The following DMD variants were observed in gnomAD, a reference collection of about 807,000 sequenced individuals.
The protein encoded by DMD is mutant dystrophin.
In DMD, 63 loss-of-function variants were observed where a neutral mutation model predicts 330.1. The ratio of observed to expected loss-of-function variants is 0.19; its 90% CI spans 0.16 to 0.24. DMD has a LOEUF of 0.24. Among genes scored for constraint, DMD ranks in the 10% least tolerant of loss-of-function variants. DMD has a pLI of 1.00. For synonymous variants in DMD, 1,223 were observed against 959.8 expected, an observed-to-expected ratio of 1.27 and a Z score of -5.07; for missense variants, 3,344 against 2,684.1, an observed-to-expected ratio of 1.25 and a Z score of -5.43.
At chrX:32,802,511 T>C (rs942485323) in intron 7 of DMD, among the ~76,000 whole-genome samples, 9 of 111,709 alleles carry the variant, frequency 8.1e-5, no homozygotes, top group Admixed American at 1.9e-4. Flanking sequence ...TCCAATACTA[T>C]GTTGAATAGG....
chrX:32,390,700 TGTAGAGGCAGA>T (rs1237898885), intron 30 of DMD, among the ~76,000 whole-genome samples: 1 of 111,112 alleles, frequency 9.0e-6, no homozygotes, highest in East Asian at 2.8e-4. Flanking sequence ...TATTTTATTT[TGTAGAGGCAGA>T]GTCTTGCTAT....
chrX:31,739,013 T>A (rs1004368251), intron 51 of DMD, among the ~76,000 whole-genome samples: 6 of 111,765 alleles, frequency 5.4e-5, no homozygotes, highest in Non-Finnish European at 1.1e-4. Flanking sequence ...AGACCTACTA[T>A]TTGATAGCAC....
chrX:31,232,957 C>CT (rs932456818), intron 63 of DMD, among the ~76,000 whole-genome samples: 1 of 112,292 alleles, frequency 8.9e-6, no homozygotes, highest in Non-Finnish European at 1.9e-5. Context: ...TAAGCACTTT[C>CT]TTTTTTGCCA....
chrX:31,735,655 G>A (rs1440078802), intron 51 of DMD, among the ~76,000 whole-genome samples: 5 of 112,043 alleles, frequency 4.5e-5, no homozygotes, highest in Non-Finnish European at 9.4e-5. Context: ...AGGAAAATAA[G>A]AGTATTCAGA....
At chrX:31,721,681 T>TCA (rs1182774374) in intron 52 of DMD, among the ~76,000 whole-genome samples, 28 of 45,693 alleles carry the variant, frequency 6.1e-4, no homozygotes, top group Non-Finnish European at 9.1e-4. Flanking sequence ...TCTCTCTCTC[T>TCA]CTCACTCTCT....
chrX:31,206,822 T>C (rs1039669849), intron 65 of DMD, among the ~76,000 whole-genome samples, 155 bp from the exon 66 acceptor site: 1 of 112,126 alleles, frequency 8.9e-6, no homozygotes, highest in African/African-American at 3.2e-5. Flanking sequence ...TAAGATTGTT[T>C]TGAACTTTTC....
chrX:31,840,195 G>A (rs2093288063), intron 48 of DMD, among the ~76,000 whole-genome samples: 1 of 111,242 alleles, frequency 9.0e-6, no homozygotes, highest in Admixed American at 9.7e-5. Context: ...CTTTTGCACT[G>A]AACACCAAAC....
At chrX:33,192,212 A>G (rs2050691405) in intron 1 of DMD, among the ~76,000 whole-genome samples, 1 of 112,092 alleles carries the variant, frequency 8.9e-6, no homozygotes, top group African/African-American at 3.2e-5. Flanking sequence ...GTGTAAAAGA[A>G]GATTCTTGAT....
rs778632674 is a variant in DMD at position 32,699,232 on chromosome X, T to G, written c.711A>C (p.Gln237His). The G allele has an allele frequency of 5.0e-6, 6 of 1,208,185 alleles. No individual in the cohort carries two copies. The highest frequency in any genetic ancestry group is 6.7e-6 in the Non-Finnish European group (6 of 893,653). Residue 237 changes from glutamine to histidine, a missense_variant, in exon 8 of 79, where the codon CAA becomes CAC. Transcript: ENST00000357033. ...SILMYITSLF[Q>H]VLPQQVSIEA... ...CAATGCTCACTTGTTGAGGCAAAACTTGGAAGAGTGATGTGATGTACATTA... is the reference window on the plus strand; with the variant it reads ...CAATGCTCACTTGTTGAGGCAAAACGTGGAAGAGTGATGTGATGTACATTA...
chrX:31,743,959 T>G (rs2087595948), intron 51 of DMD, among the ~76,000 whole-genome samples: 3 of 110,940 alleles, frequency 2.7e-5, no homozygotes, highest in Non-Finnish European at 5.7e-5. Flanking sequence ...TGGGCTCAAG[T>G]GATCCTCCTG....
chrX:31,737,387 G>T (rs373434165), intron 51 of DMD, among the ~76,000 whole-genome samples: 1 of 113,026 alleles, frequency 8.8e-6, no homozygotes, highest in African/African-American at 3.2e-5. Flanking sequence ...ATCAGTCATG[G>T]TTCTTGCAAT....
chrX:32,252,879 AAT>A lies in DMD; in HGVS notation c.6290+34648_6290+34649del, dbSNP rs1326756695. 2.3e-3 allele frequency among the ~76,000 whole-genome samples: 162 copies of A among 70,147 alleles called. 3 individuals are homozygous for A. The highest frequency in any genetic ancestry group is 9.8e-3 in the African/African-American group (149 of 15,239). 60.9% of individuals were successfully genotyped at this position (70,147 alleles called of 115,157 possible). The stretch of plus-strand genomic sequence containing the variant: ...ATATATAAATATATAAATATATAAA[AAT>A]ATATATAAATATATATAAATATATA... On this transcript the variant is annotated intron_variant, in intron 43 of 78. Coordinates refer to ENST00000357033, the MANE Select transcript of DMD (RefSeq NM_004006.3).
intron 44 of DMD, among the ~76,000 whole-genome samples, chrX:32,207,735 A>G (rs1432998355): frequency 8.9e-6 from 1 of 111,980 alleles, no homozygotes; most frequent in Non-Finnish European, 1.9e-5. Context: ...TGCTTATTAT[A>G]GCATATATCT....
chrX:31,338,309 CAAAAAAAAAAAA>C (rs752828727), intron 61 of DMD, among the ~76,000 whole-genome samples: 1 of 53,394 alleles, frequency 1.9e-5, no homozygotes, highest in Admixed American at 2.5e-4. Context: ...AGTAAAAATA[CAAAAAAAAAAAA>C]AAAAAAAAAA....
At chrX:32,354,440 G>A (rs1483086845) in intron 37 of DMD, among the ~76,000 whole-genome samples, 1 of 111,123 alleles carries the variant, frequency 9.0e-6, no homozygotes, top group Non-Finnish European at 1.9e-5. Context: ...GATATGATAT[G>A]AAGAGTTATT....
chrX:32,852,751 G>A (rs926573359), intron 2 of DMD, among the ~76,000 whole-genome samples: 2 of 111,130 alleles, frequency 1.8e-5, no homozygotes, highest in African/African-American at 6.6e-5. Flanking sequence ...GTGGTAGCCA[G>A]GCAGTACTCA....
intron 1 of DMD, among the ~76,000 whole-genome samples, chrX:33,124,482 A>G (rs2095446782): frequency 1.5e-4 from 3 of 19,488 alleles, no homozygotes; most frequent in East Asian, 1.6e-3. Context: ...GTCTGAAAAA[A>G]AAAAAAAAAA....
At chrX:31,892,615 C>T (rs866700698) in intron 47 of DMD, among the ~76,000 whole-genome samples, 7 of 111,959 alleles carry the variant, frequency 6.3e-5, no homozygotes, top group Non-Finnish European at 1.3e-4. Flanking sequence ...GTACATATAG[C>T]CTACTACACA....
chrX:32,621,381 T>C (rs957795882), intron 11 of DMD, among the ~76,000 whole-genome samples: 2 of 111,571 alleles, frequency 1.8e-5, no homozygotes, highest in Non-Finnish European at 3.8e-5. Flanking sequence ...AATCTGAAAT[T>C]TGAACACCCA....
Sources: allele counts gnomAD v4.1 joint callset (sites outside exome capture counted in the v4.1 genomes callset), GRCh38; gene constraint gnomAD v4.1.1; transcripts MANE v1.5; gene names NCBI Gene and HGNC (gene_info 2026-07-23, HGNC 2026-07-21).